Variants in BANK1 observed in about 807,000 individuals in gnomAD.
The protein encoded by BANK1 is B-cell scaffold protein with ankyrin repeats.
Under a neutral mutation model 94.5 loss-of-function variants are expected in BANK1, and 95 were observed. The ratio of observed to expected loss-of-function variants is 1.00; its 90% CI spans 0.85 to 1.19. The LOEUF (loss-of-function observed/expected upper bound fraction) is 1.19, where lower values mean the gene tolerates loss of function less well. Among genes scored for constraint, BANK1 ranks in the 50% most tolerant of loss-of-function variants. The probability of loss-of-function intolerance (pLI) is 0.00; values close to 1 mark genes in which losing one functional copy is unlikely to be tolerated. For missense variants in BANK1, 987 were observed against 932.2 expected (o/e 1.06, Z -0.77); for synonymous variants, 334 against 308.4 (o/e 1.08, Z -0.87).
intron 1 of BANK1, among the ~76,000 whole-genome samples, chr4:101,796,014 T>C (rs990911870): frequency 2.0e-5 from 3 of 152,214 alleles, no homozygotes; most frequent in African/African-American, 7.2e-5. Context: ...CAAAGTCCTT[T>C]TGTCTTATTA....
intron 7 of BANK1, among the ~76,000 whole-genome samples, chr4:101,954,278 G>C (rs1326613640): frequency 2.0e-5 from 3 of 152,088 alleles, no homozygotes; most frequent in Admixed American, 2.0e-4. Flanking sequence ...GTTACATTCA[G>C]AGGTACCAGG....
chr4:101,880,105 GAAAT>G (rs1231179861), intron 5 of BANK1, among the ~76,000 whole-genome samples: 1 of 151,940 alleles, frequency 6.6e-6, no homozygotes, highest in African/African-American at 2.4e-5. Context: ...TAAGAGAAAA[GAAAT>G]AAATAAAGGC....
chr4:101,852,469 G>GATATATATATATAT (rs1195239167), intron 2 of BANK1, among the ~76,000 whole-genome samples: 1 of 54,124 alleles, frequency 1.8e-5, no homozygotes, highest in Non-Finnish European at 3.4e-5. Flanking sequence ...ATATTTTTCG[G>GATATATATATATAT]CTATATATAT....
chr4:101,896,784 G>C (rs1411372743), intron 6 of BANK1, among the ~76,000 whole-genome samples: 1 of 151,632 alleles, frequency 6.6e-6, no homozygotes, highest in African/African-American at 2.4e-5. Flanking sequence ...TTAGATAAAG[G>C]GTACATTATT....
At chr4:101,943,501 A>T (rs910434994) in intron 7 of BANK1, among the ~76,000 whole-genome samples, 2 of 151,796 alleles carry the variant, frequency 1.3e-5, no homozygotes, top group Non-Finnish European at 2.9e-5. Context: ...GATGGAAGGG[A>T]CAGAAGGCTT....
In BANK1 at chr4:101,911,007, C is replaced by G. The variant is rs572014612; in HGVS notation, c.1010-6986C>G. 2.6e-5 allele frequency among the ~76,000 whole-genome samples: 4 copies of G among 152,338 alleles called. No homozygotes were observed. The East Asian group carries it at 7.7e-4, about 29-fold the overall frequency. ...TAGTACTTAACATGCGTTTTGCTTA[C>G]TCTGTCAAACAGGTCTAAGCACTTT... On this transcript the variant is annotated intron_variant, in intron 6 of 16. Transcript: ENST00000322953.
chr4:101,830,482 A>G (rs910389339), intron 2 of BANK1, among the ~76,000 whole-genome samples: 2 of 152,120 alleles, frequency 1.3e-5, no homozygotes, highest in Non-Finnish European at 2.9e-5. Context: ...CAGAACAAGT[A>G]TGGTATGCTC....
chr4:102,012,968 C>T (rs758205593), intron 7 of BANK1, among the ~76,000 whole-genome samples: 59 of 151,976 alleles, frequency 3.9e-4, no homozygotes, highest in Non-Finnish European at 7.2e-4. Flanking sequence ...ATTAAAGCAA[C>T]TTTTTGAACA....
chr4:102,048,384 G>GTTGA, intron 11 of BANK1, among the ~76,000 whole-genome samples: 1 of 152,150 alleles, frequency 6.6e-6, no homozygotes, highest in South Asian at 2.1e-4. Flanking sequence ...AGCTAACAAG[G>GTTGA]TTGATTTCAT....
intron 1 of BANK1, among the ~76,000 whole-genome samples, chr4:101,813,559 T>G (rs1725794834): frequency 6.6e-6 from 1 of 152,226 alleles, no homozygotes; most frequent in Admixed American, 6.5e-5. Flanking sequence ...AAATTCTGAT[T>G]TGATCAAGTG....
At position 101,806,552 on chromosome 4, in the gene BANK1, A is replaced by G. The variant is rs1045262058; in HGVS notation, c.70+15602A>G. Among the ~76,000 whole-genome samples, 5 of 152,186 alleles carry G rather than the reference A, an allele frequency of 3.3e-5. 1 individual carries two copies. In the South Asian group the frequency reaches 6.2e-4, roughly 19 times the overall value. On this transcript the variant is annotated intron_variant, in intron 1 of 16. Transcript: ENST00000322953. Reference sequence around the variant, plus strand: ...AACAGAACTTCACTTTTTGCCAGCTATGCAACCTCTCTGATGCCTAGGAGA... The same window carrying G: ...AACAGAACTTCACTTTTTGCCAGCTGTGCAACCTCTCTGATGCCTAGGAGA...
chr4:102,038,105 A>G (rs1409940025), intron 10 of BANK1, among the ~76,000 whole-genome samples: 1 of 152,170 alleles, frequency 6.6e-6, no homozygotes, highest in Non-Finnish European at 1.5e-5. Context: ...TCTTGTTAGC[A>G]GAATTAAACT....
chr4:101,913,574 T>C (rs1042349305), intron 6 of BANK1, among the ~76,000 whole-genome samples: 3 of 152,184 alleles, frequency 2.0e-5, no homozygotes, highest in African/African-American at 7.2e-5. Context: ...CCTACTTCTC[T>C]CTGGCGATCC....
intron 7 of BANK1, among the ~76,000 whole-genome samples, chr4:101,940,942 G>T (rs1723722607): frequency 1.3e-5 from 2 of 151,698 alleles, no homozygotes; most frequent in African/African-American, 2.4e-5. Flanking sequence ...CTTAGGGAGT[G>T]GGGGTTTATG....
At chr4:101,870,149 C>A (rs1028279937) in intron 4 of BANK1, among the ~76,000 whole-genome samples, 28 of 151,828 alleles carry the variant, frequency 1.8e-4, no homozygotes, top group African/African-American at 5.6e-4. Flanking sequence ...AAATACCTAA[C>A]TTTTGATAAA....
intron 7 of BANK1, among the ~76,000 whole-genome samples, chr4:101,995,798 T>C (rs1316502653): frequency 6.6e-6 from 1 of 152,170 alleles, no homozygotes; most frequent in African/African-American, 2.4e-5. Context: ...GGTTGTTTGT[T>C]TCATTCTTTT....
At chr4:102,060,418 A>G (rs1175516025) in intron 12 of BANK1, 29 bp downstream of exon 12, 1 of 1,578,202 alleles carries the variant, frequency 6.3e-7, no homozygotes, top group Non-Finnish European at 8.6e-7. Flanking sequence ...TTTCTGGGAC[A>G]TTCCCTCACT....
At chr4:101,990,718 G>A (rs751622545) in intron 7 of BANK1, among the ~76,000 whole-genome samples, 4 of 152,042 alleles carry the variant, frequency 2.6e-5, no homozygotes, top group Non-Finnish European at 4.4e-5. Context: ...ACCTCTATCA[G>A]CTTTTACAAA....
chr4:101,873,769 A>G (rs1728388513), intron 5 of BANK1, among the ~76,000 whole-genome samples: 1 of 152,160 alleles, frequency 6.6e-6, no homozygotes, highest in African/African-American at 2.4e-5. Flanking sequence ...GAGAGATTCA[A>G]ATGAAAGAAA....
Sources: allele counts gnomAD v4.1 joint callset (sites outside exome capture counted in the v4.1 genomes callset), GRCh38; gene constraint gnomAD v4.1.1; transcripts MANE v1.5; gene names NCBI Gene and HGNC (gene_info 2026-07-23, HGNC 2026-07-21).